CTNND2: variants seen among roughly 807,000 people sequenced by gnomAD.
CTNND2 encodes catenin delta 2, also known as catenin delta-2.
In CTNND2, 22 loss-of-function variants were observed where a neutral mutation model predicts 144.4. The ratio of observed to expected loss-of-function variants is 0.15; its 90% CI spans 0.11 to 0.22. The LOEUF (loss-of-function observed/expected upper bound fraction) is 0.22, where lower values mean the gene tolerates loss of function less well. Ranked by LOEUF, CTNND2 falls within the 10% of genes least tolerant of loss-of-function variation. The probability of loss-of-function intolerance (pLI) is 1.00; values close to 1 mark genes in which losing one functional copy is unlikely to be tolerated. For missense variants in CTNND2, 1,353 were observed against 1,618.8 expected, an observed-to-expected ratio of 0.84 and a Z score of 2.82; for synonymous variants, 751 against 695.6, an observed-to-expected ratio of 1.08 and a Z score of -1.25.
At chr5:11,760,805 T>C (rs1015323161) in intron 1 of CTNND2, among the ~76,000 whole-genome samples, 2 of 152,140 alleles carry the variant, frequency 1.3e-5, no homozygotes, top group Non-Finnish European at 2.9e-5. Flanking sequence ...TAGTTTTTTT[T>C]TAATGATTCT....
intron 16 of CTNND2, among the ~76,000 whole-genome samples, chr5:11,038,636 G>A (rs1013455551): frequency 1.3e-4 from 20 of 152,166 alleles, no homozygotes; most frequent in African/African-American, 4.6e-4. Context: ...TAGTGGATGT[G>A]AAACCTGGAA....
intron 10 of CTNND2, among the ~76,000 whole-genome samples, chr5:11,233,086 T>G (rs1741222182): frequency 6.6e-6 from 1 of 152,026 alleles, no homozygotes; most frequent in Non-Finnish European, 1.5e-5. Context: ...GAACCGTGAG[T>G]CCATTAAACC....
intron 12 of CTNND2, among the ~76,000 whole-genome samples, chr5:11,135,963 T>C (rs1395217254): frequency 6.6e-6 from 1 of 152,206 alleles, no homozygotes; most frequent in Non-Finnish European, 1.5e-5. Flanking sequence ...TCTGTGTCCC[T>C]CCTAAAATTT....
intron 2 of CTNND2, among the ~76,000 whole-genome samples, chr5:11,568,017 G>A (rs1043599116): frequency 5.3e-5 from 8 of 152,162 alleles, no homozygotes; most frequent in Non-Finnish European, 1.2e-4. Flanking sequence ...AGAACAGCAT[G>A]TAGTCTAGGG....
rs148620573 is a variant in CTNND2 at position 11,368,625 on chromosome 5, T to G, written c.1178-3735A>C. On this transcript the variant is annotated intron_variant, in intron 7 of 21. Coordinates refer to ENST00000304623, the MANE Select transcript of CTNND2 (RefSeq NM_001332.4). ...ATGGCTCAGCCTCAAATTCTACACATGAAAGGTGGCCTCAGGGTGTTGATG... is the reference window on the plus strand; with the variant it reads ...ATGGCTCAGCCTCAAATTCTACACAGGAAAGGTGGCCTCAGGGTGTTGATG... 3.2e-4 allele frequency among the ~76,000 whole-genome samples: 48 copies of G among 152,294 alleles called. No homozygotes were observed. The East Asian group carries it at 8.7e-3, about 28-fold the overall frequency.
chr5:11,131,601 CAT>C, intron 12 of CTNND2, among the ~76,000 whole-genome samples: 1 of 152,282 alleles, frequency 6.6e-6, no homozygotes, highest in South Asian at 2.1e-4. Flanking sequence ...TCCTGGCTAA[CAT>C]GGTGAAATCC....
chr5:11,725,169 A>G (rs1786941847), intron 2 of CTNND2, among the ~76,000 whole-genome samples: 1 of 152,214 alleles, frequency 6.6e-6, no homozygotes, highest in Admixed American at 6.5e-5. Flanking sequence ...GGGCTGCCTC[A>G]GGCATGTTTA....
At chr5:11,108,281 A>G (rs1478771296) in intron 14 of CTNND2, among the ~76,000 whole-genome samples, 1 of 152,154 alleles carries the variant, frequency 6.6e-6, no homozygotes, top group East Asian at 1.9e-4. Context: ...GAGTGCGGGC[A>G]AGAAGCCTTG....
At chr5:11,081,751 G>T (rs1749594653) in intron 16 of CTNND2, among the ~76,000 whole-genome samples, 1 of 152,176 alleles carries the variant, frequency 6.6e-6, no homozygotes, top group Non-Finnish European at 1.5e-5. Context: ...TATGTTCTAT[G>T]ATTCCATTTA....
At chr5:11,214,307 A>G (rs1738947620) in intron 10 of CTNND2, among the ~76,000 whole-genome samples, 1 of 152,188 alleles carries the variant, frequency 6.6e-6, no homozygotes, top group Non-Finnish European at 1.5e-5. Context: ...TCTCTGTTTT[A>G]TTTACTGATT....
intron 15 of CTNND2, among the ~76,000 whole-genome samples, chr5:11,090,175 T>C (rs1750619543): frequency 6.6e-6 from 1 of 152,192 alleles, no homozygotes; most frequent in Non-Finnish European, 1.5e-5. Flanking sequence ...AAGAACAGAA[T>C]ACTGAGGTGG....
chr5:11,879,221 T>A (rs1221275873), intron 1 of CTNND2, among the ~76,000 whole-genome samples: 2 of 151,842 alleles, frequency 1.3e-5, no homozygotes, highest in African/African-American at 4.8e-5. Flanking sequence ...GCAGACAGGC[T>A]ACGGGAGACA....
chr5:11,609,144 G>A (rs766551912), intron 2 of CTNND2, among the ~76,000 whole-genome samples: 20 of 152,000 alleles, frequency 1.3e-4, no homozygotes, highest in Non-Finnish European at 1.0e-4. Context: ...TTTTTTCTCC[G>A]TGTATTTTGT....
intron 12 of CTNND2, among the ~76,000 whole-genome samples, chr5:11,149,460 T>C (rs898144035): frequency 6.6e-6 from 1 of 152,174 alleles, no homozygotes; most frequent in African/African-American, 2.4e-5. Flanking sequence ...GGCACGGCCA[T>C]CCTCACATAC....
intron 3 of CTNND2, among the ~76,000 whole-genome samples, chr5:11,422,126 C>G (rs1762414875): frequency 6.6e-6 from 1 of 152,116 alleles, no homozygotes. Flanking sequence ...GCAGGCCCAC[C>G]ATATGGCATT....
chr5:11,810,561 G>A (rs1378885017), intron 1 of CTNND2, among the ~76,000 whole-genome samples: 5 of 152,042 alleles, frequency 3.3e-5, no homozygotes, highest in Non-Finnish European at 7.4e-5. Context: ...AAATGATCAC[G>A]TTTTCCTCTT....
At chr5:11,602,504 G>A (rs7733797) in intron 2 of CTNND2, among the ~76,000 whole-genome samples, 1,891 of 151,854 alleles carry the variant, frequency 0.012, 29 homozygotes, top group African/African-American at 0.04. Context: ...AGACCAGAGC[G>A]TCTCTTCCAG....
intron 1 of CTNND2, among the ~76,000 whole-genome samples, chr5:11,821,218 T>C (rs1581952076): frequency 6.6e-6 from 1 of 152,226 alleles, no homozygotes; most frequent in Non-Finnish European, 1.5e-5. Context: ...TGTCATCTTA[T>C]GTAAATTTTT....
chr5:11,594,365 A>G (rs1032102762), intron 2 of CTNND2, among the ~76,000 whole-genome samples: 3 of 152,216 alleles, frequency 2.0e-5, no homozygotes, highest in Admixed American at 6.5e-5. Flanking sequence ...TTCTGTATGT[A>G]TATTCTACTT....
Sources: allele counts gnomAD v4.1 joint callset (sites outside exome capture counted in the v4.1 genomes callset), GRCh38; gene constraint gnomAD v4.1.1; transcripts MANE v1.5; gene names NCBI Gene and HGNC (gene_info 2026-07-23, HGNC 2026-07-21).